The following PEMT variants were observed in gnomAD, a reference collection of about 807,000 sequenced individuals.
The protein encoded by PEMT is phospholipid methyltransferase.
PEMT carries 23 observed loss-of-function variants against 27.4 expected under a neutral mutation model. That is an observed-to-expected ratio of 0.84 (90% CI 0.60 to 1.19). The LOEUF (loss-of-function observed/expected upper bound fraction) is 1.19. PEMT is among the 50% of genes most tolerant of loss of function. PEMT has a pLI of 0.00. For synonymous variants in PEMT, 137 were observed against 139.1 expected (o/e 0.98, Z 0.11); for missense variants, 307 against 310.1 (o/e 0.99, Z 0.07).
chr17:17,579,675 AAAAC>A (rs945504025), intron 1 of PEMT, among the ~76,000 whole-genome samples: 4 of 152,170 alleles, frequency 2.6e-5, no homozygotes, highest in African/African-American at 9.7e-5. Flanking sequence ...ACTTCATCTG[AAAAC>A]AAACAAACAA....
chr17:17,573,381 C>T (rs749163070), intron 2 of PEMT, among the ~76,000 whole-genome samples: 25 of 150,514 alleles, frequency 1.7e-4, no homozygotes, highest in Non-Finnish European at 2.2e-4. Flanking sequence ...GCAGGGGAAT[C>T]GCTTGAACCT....
intron 3 of PEMT, among the ~76,000 whole-genome samples, chr17:17,515,034 G>A (rs1906716799): frequency 6.6e-6 from 1 of 152,212 alleles, no homozygotes; most frequent in Non-Finnish European, 1.5e-5. Flanking sequence ...TGTGGAAAAT[G>A]CAGAACCAGG....
intron 2 of PEMT, among the ~76,000 whole-genome samples, chr17:17,532,792 C>T (rs1459855695): frequency 6.6e-6 from 1 of 152,240 alleles, no homozygotes; most frequent in East Asian, 1.9e-4. Flanking sequence ...CTTTGGGAGG[C>T]CAAGGCAGGC....
chr17:17,552,063 A>C (rs1909691096), intron 2 of PEMT, among the ~76,000 whole-genome samples: 1 of 152,158 alleles, frequency 6.6e-6, no homozygotes. Context: ...TTAGTCAGGC[A>C]CGGTGGTGCG....
At chr17:17,556,833 T>C (rs1419403843) in intron 2 of PEMT, among the ~76,000 whole-genome samples, 1 of 152,156 alleles carries the variant, frequency 6.6e-6, no homozygotes, top group Non-Finnish European at 1.5e-5. Flanking sequence ...GGAGCTTTGC[T>C]ATTAATGGGG....
At chr17:17,511,792 C>A (rs1238657232) in intron 4 of PEMT, among the ~76,000 whole-genome samples, 1 of 151,542 alleles carries the variant, frequency 6.6e-6, no homozygotes, top group Non-Finnish European at 1.5e-5. Context: ...CCTCTTGTCC[C>A]CCACCCCTGC....
Position 17,513,371 on chromosome 17 carries a change from C to T in PEMT, c.321-717G>A, listed in dbSNP as rs377383793. On this transcript the variant is annotated intron_variant, in intron 3 of 6. Transcript: ENST00000255389. This position sits in a 1 kb window ranked among gnomAD's most constrained non-coding sequence, Gnocchi z 4.1. ...CAGCACTTTGGGAGGCCGAGGTGGG[C>T]GGGTCACCTGAGGTCAGGAGTTCAA... 2.8e-4 allele frequency among the ~76,000 whole-genome samples: 42 copies of T among 152,214 alleles called. No homozygotes were observed. The highest frequency in any genetic ancestry group is 9.9e-4 in the African/African-American group (41 of 41,528).
At chr17:17,559,120 C>T (rs1910284014) in intron 2 of PEMT, among the ~76,000 whole-genome samples, 1 of 152,196 alleles carries the variant, frequency 6.6e-6, no homozygotes, top group Non-Finnish European at 1.5e-5. Context: ...GAAACTGAGT[C>T]CCAGAGGCCC....
chr17:17,532,855 T>G (rs1908196026), intron 2 of PEMT, among the ~76,000 whole-genome samples: 1 of 152,180 alleles, frequency 6.6e-6, no homozygotes. Context: ...TGGCGAAACC[T>G]GTCTCTACTG....
chr17:17,521,953 C>T (rs1383478913), intron 3 of PEMT, among the ~76,000 whole-genome samples: 2 of 152,336 alleles, frequency 1.3e-5, no homozygotes, highest in African/African-American at 4.8e-5. Flanking sequence ...CAGCATCCAC[C>T]TTCTGACTGG....
At chr17:17,525,980 C>G (rs548150177) in intron 2 of PEMT, among the ~76,000 whole-genome samples, 244 of 143,418 alleles carry the variant, frequency 1.7e-3, no homozygotes, top group African/African-American at 6.3e-3. Flanking sequence ...GGTGACAGAG[C>G]GAAACTCTGT....
intron 2 of PEMT, among the ~76,000 whole-genome samples, chr17:17,552,601 G>A (rs116731988): frequency 0.013 from 1,951 of 152,340 alleles, 42 homozygotes; most frequent in African/African-American, 0.042. Flanking sequence ...TGGGTGCCAC[G>A]GAGACCTGCA....
At chr17:17,559,890 G>A (rs939604474) in intron 2 of PEMT, among the ~76,000 whole-genome samples, 4 of 152,232 alleles carry the variant, frequency 2.6e-5, no homozygotes, top group Admixed American at 6.5e-5. Context: ...GCACGGCTGC[G>A]AGTGGCCCGG....
intron 1 of PEMT, among the ~76,000 whole-genome samples, chr17:17,587,117 GA>G (rs200490058): frequency 3.4e-4 from 51 of 150,390 alleles, no homozygotes; most frequent in African/African-American, 7.8e-4. Context: ...AAACAATAGA[GA>G]AAAAAAAATT....
chr17:17,509,297 G>C (rs962499410), intron 5 of PEMT, 137 bp downstream of exon 5: 1 of 619,486 alleles, frequency 1.6e-6, no homozygotes, highest in Admixed American at 2.9e-5. Flanking sequence ...GGGAGAACCA[G>C]GGCGCCTAGG....
At chr17:17,551,576 T>C (rs1357138434) in intron 2 of PEMT, among the ~76,000 whole-genome samples, 1 of 152,128 alleles carries the variant, frequency 6.6e-6, no homozygotes, top group Non-Finnish European at 1.5e-5. Context: ...CTACGTAGGA[T>C]TCCAACTGGC....
At chr17:17,546,887 C>A (rs914549014) in intron 2 of PEMT, among the ~76,000 whole-genome samples, 1 of 152,276 alleles carries the variant, frequency 6.6e-6, no homozygotes, top group Non-Finnish European at 1.5e-5. Context: ...TACGTGCTGA[C>A]CCTCTCCATT....
At chr17:17,544,566 C>T (rs1909120352) in intron 2 of PEMT, among the ~76,000 whole-genome samples, 2 of 152,106 alleles carry the variant, frequency 1.3e-5, no homozygotes, top group Non-Finnish European at 2.9e-5. Flanking sequence ...ATCCGGCCTC[C>T]AGCTTGTGTT....
At chr17:17,521,431 G>A (rs1907254165) in intron 3 of PEMT, among the ~76,000 whole-genome samples, 1 of 152,168 alleles carries the variant, frequency 6.6e-6, no homozygotes, top group South Asian at 2.1e-4. Flanking sequence ...TGGTGTCTGG[G>A]CAGAGAAATT....
Sources: allele counts gnomAD v4.1 joint callset (sites outside exome capture counted in the v4.1 genomes callset), GRCh38; gene constraint gnomAD v4.1.1; non-coding constraint Gnocchi (gnomAD v3.1); transcripts MANE v1.5; gene names NCBI Gene and HGNC (gene_info 2026-07-23, HGNC 2026-07-21).